The following TFEB variants were observed in gnomAD, a reference collection of about 807,000 sequenced individuals.
TFEB encodes the protein transcription factor EB.
In TFEB, 12 loss-of-function variants were observed where a neutral mutation model predicts 48.0. The ratio of observed to expected loss-of-function variants is 0.25; its 90% CI spans 0.16 to 0.40. TFEB has a LOEUF of 0.40. Among genes scored for constraint, TFEB ranks in the 10% least tolerant of loss-of-function variants. The probability of loss-of-function intolerance (pLI) is 1.00; values close to 1 mark genes in which losing one functional copy is unlikely to be tolerated. For synonymous variants in TFEB, 244 were observed against 261.4 expected (o/e 0.93, Z 0.64); for missense variants, 509 against 640.3 (o/e 0.79, Z 2.21).
At position 41,698,620 on chromosome 6, in the gene TFEB, G is replaced by A. The variant is rs369427277; in HGVS notation, c.-22-7385C>T. Among the ~76,000 whole-genome samples, 153 of 152,284 alleles carry A rather than the reference G, an allele frequency of 1.0e-3. 2 individuals carry two copies. In the South Asian group the frequency reaches 0.028, roughly 28 times the overall value. ...GATGACGCTCTGCACCTCTGTGGTCGGAAGAAGTTTTCTTCTGATTCAGTC... is the reference window on the plus strand; with the variant it reads ...GATGACGCTCTGCACCTCTGTGGTCAGAAGAAGTTTTCTTCTGATTCAGTC... On this transcript the variant is annotated intron_variant, in intron 1 of 8. Coordinates refer to ENST00000373033, the MANE Select transcript of TFEB (RefSeq NM_001271944.2).
intron 4 of TFEB, chr6:41,688,270 T>A (rs1384280423): frequency 2.1e-6 from 1 of 469,978 alleles, no homozygotes; most frequent in African/African-American, 1.9e-5. Context: ...ATCCAACCAA[T>A]AATATGTGAT....
intron 1 of TFEB, among the ~76,000 whole-genome samples, chr6:41,704,658 G>A (rs1770110720): frequency 6.6e-6 from 1 of 152,236 alleles, no homozygotes; most frequent in Admixed American, 6.5e-5. Flanking sequence ...GAGATGTGTG[G>A]GCACATTAAA....
At chr6:41,688,481 G>A (rs552596978) in intron 4 of TFEB, among the ~76,000 whole-genome samples, 1 of 152,202 alleles carries the variant, frequency 6.6e-6, no homozygotes, top group South Asian at 2.1e-4. Flanking sequence ...GGCAGAAGTG[G>A]TGGGGGTGGA....
rs988346257 is a variant in TFEB at position 41,684,299 on chromosome 6, C to T, written c.*300G>A. ...GGCTCAGAAGACAGGGAATCTCCACCAGGCCCTCTTCTCACCTCTAGAACA... is the reference window on the plus strand; with the variant it reads ...GGCTCAGAAGACAGGGAATCTCCACTAGGCCCTCTTCTCACCTCTAGAACA... On this transcript the variant is annotated 3_prime_UTR_variant, in exon 9 of 9. Transcript: ENST00000373033. 2 of 312,158 alleles carry T rather than the reference C, an allele frequency of 6.4e-6. No homozygotes were observed. The highest frequency in any genetic ancestry group is 1.2e-5 in the Non-Finnish European group (2 of 170,798). The allele number at this position is 312,158 out of a possible 1,614,324, so 19.3% of individuals were successfully genotyped here.
chr6:41,699,832 G>A (rs189052015), intron 1 of TFEB, among the ~76,000 whole-genome samples: 1 of 152,328 alleles, frequency 6.6e-6, no homozygotes, highest in Admixed American at 6.5e-5. Context: ...GCTTTTAACA[G>A]TTTTAATGCC....
At chr6:41,687,027 G>A in intron 7 of TFEB, 67 bp downstream of exon 7, 1 of 1,345,582 alleles carries the variant, frequency 7.4e-7, no homozygotes, top group Admixed American at 1.7e-5. Flanking sequence ...TGGGGCTGAG[G>A]GCAGATAATA....
chr6:41,735,052 C>G (rs978446657), intron 1 of TFEB: 91 of 985,152 alleles, frequency 9.2e-5, no homozygotes, highest in Non-Finnish European at 1.0e-4. Flanking sequence ...GGCCCATGCC[C>G]GCCCGGCCCC....
intron 1 of TFEB, among the ~76,000 whole-genome samples, chr6:41,696,243 G>A (rs1769575636): frequency 6.6e-6 from 1 of 152,196 alleles, no homozygotes; most frequent in Non-Finnish European, 1.5e-5. Context: ...CTTGGAGCAG[G>A]AAGCTGAAAA....
At chr6:41,713,680 G>A (rs1341191829) in intron 1 of TFEB, among the ~76,000 whole-genome samples, 1 of 152,186 alleles carries the variant, frequency 6.6e-6, no homozygotes, top group Non-Finnish European at 1.5e-5. Flanking sequence ...TCCTCAGGCT[G>A]TGGCCAAAAC....
intron 1 of TFEB, chr6:41,732,501 A>G: frequency 1.2e-6 from 1 of 837,256 alleles, no homozygotes; most frequent in South Asian, 5.5e-5. Flanking sequence ...TATTCTATTA[A>G]TATAATCTTG....
Position 41,691,080 on chromosome 6 carries a change from AGCTGCTGCTGTTGCT to A in TFEB, c.119_133del (p.Gln40_Gln44del). The A allele has an allele frequency of 6.4e-7, 1 of 1,574,550 alleles. No homozygotes were observed. Among genetic ancestry groups the A allele is most frequent in the Non-Finnish European group, 8.6e-7 (1 of 1,158,916 alleles). ...GATGGCCGGGGTGGGCGGCCCTCCGAGCTGCTGCTGTTGCTGCTGCTGCTGCTGCTGCATGTAATG... is the reference window on the plus strand; with the variant it reads ...GATGGCCGGGGTGGGCGGCCCTCCGAGCTGCTGCTGCTGCTGCATGTAATG... On this transcript the variant is annotated inframe_deletion, in exon 2 of 9. Coordinates refer to ENST00000373033, the MANE Select transcript of TFEB (RefSeq NM_001271944.2). This position sits in a 1 kb window ranked among gnomAD's most constrained non-coding sequence, Gnocchi z 5.2.
chr6:41,716,724 G>C (rs985222949), intron 1 of TFEB, among the ~76,000 whole-genome samples: 29 of 152,144 alleles, frequency 1.9e-4, no homozygotes, highest in African/African-American at 6.3e-4. Flanking sequence ...CTTAGAAACA[G>C]GGCTAAAAAT....
intron 1 of TFEB, among the ~76,000 whole-genome samples, chr6:41,705,052 A>G (rs903484510): frequency 6.6e-6 from 1 of 152,216 alleles, no homozygotes; most frequent in African/African-American, 2.4e-5. Context: ...CCTCTCACAC[A>G]TAAGCCACTG....
Position 41,686,796 on chromosome 6 carries a change from G to A in TFEB, c.803+298C>T, listed in dbSNP as rs1042779618. On this transcript the variant is annotated intron_variant, in intron 7 of 8. Transcript: ENST00000373033. ...TTCCCACAGTGCTGGGATTATAGGCGTGAGCCCGGCCTCTTGTCTGCCAGC... is the reference window on the plus strand; with the variant it reads ...TTCCCACAGTGCTGGGATTATAGGCATGAGCCCGGCCTCTTGTCTGCCAGC... 4.0e-5 allele frequency: 18 copies of A among 448,132 alleles called. 1 individual carries two copies. The highest frequency in any genetic ancestry group is 4.1e-5 in the East Asian group (1 of 24,108). The allele number at this position is 448,132 out of a possible 1,614,324, so 27.8% of individuals were successfully genotyped here. A position where few individuals can be genotyped will look rare whatever the true frequency, so the allele number is the denominator to read the frequency against.
rs374124410 is a variant in TFEB at position 41,687,959 on chromosome 6, C to A, written c.619G>T (p.Val207Phe). The change falls in exon 5 of 9, where the codon GTC becomes TTC. Residue 207 changes from valine to phenylalanine, a missense_variant. This residue lies in a region of TFEB where 251 missense variants were observed against 317.2 expected (regional missense o/e 0.79). Coordinates refer to ENST00000373033, the MANE Select transcript of TFEB (RefSeq NM_001271944.2). ...TCCGCAGGGCAGGAGCTGCTGGTGACGCCCACCAGGGAGGCTGTGACCTGG... is the reference window on the plus strand; with the variant it reads ...TCCGCAGGGCAGGAGCTGCTGGTGAAGCCCACCAGGGAGGCTGTGACCTGG... ...DPQVTASLVG[V>F]TSSSCPADLT... 6.2e-7 allele frequency: 1 copy of A among 1,614,004 alleles called. No individual in the cohort carries two copies. The highest frequency in any genetic ancestry group is 8.5e-7 in the Non-Finnish European group (1 of 1,179,956).
intron 1 of TFEB, among the ~76,000 whole-genome samples, chr6:41,729,385 A>T (rs1212788239): frequency 6.6e-6 from 1 of 152,214 alleles, no homozygotes; most frequent in Non-Finnish European, 1.5e-5. Flanking sequence ...TGTCTGTATC[A>T]TTTTTATTGT....
Position 41,690,840 on chromosome 6 carries a change from G to C in TFEB, c.291C>G (p.Ser97=). 3 of 1,612,956 alleles carry C rather than the reference G, an allele frequency of 1.9e-6. No individual in the cohort carries two copies. The highest frequency in any genetic ancestry group is 2.5e-6 in the Non-Finnish European group (3 of 1,179,298). ...SQHQKVREYL[S]ETYGNKFAAH... Reference sequence around the variant, plus strand: ...CAGCAAACTTGTTCCCATAGGTCTCGGACAGGTACTCCCGCACCTTCTGAT... The same window carrying C: ...CAGCAAACTTGTTCCCATAGGTCTCCGACAGGTACTCCCGCACCTTCTGAT... Residue 97 remains serine, a synonymous_variant, in exon 3 of 9, where the codon TCC becomes TCG. Transcript: ENST00000373033.
Position 41,686,194 on chromosome 6 carries a change from C to A in TFEB, c.847G>T (p.Asp283Tyr). The A allele has an allele frequency of 6.2e-7, 1 of 1,614,234 alleles. No homozygotes were observed. Among genetic ancestry groups the A allele is most frequent in the Non-Finnish European group, 8.5e-7 (1 of 1,180,040 alleles). ...TCCTTCTGCATCCTCCGGATGTAAT[C>A]CACAGAGGCCTTGAGGATGGTGCCC... Reference protein sequence around the residue: ...NKGTILKASVDYIRRMQKDLQ... With the variant: ...NKGTILKASVYYIRRMQKDLQ... The change falls in exon 8 of 9, where the codon GAT (aspartate) becomes TAT (tyrosine). Residue 283 changes from aspartate to tyrosine, a missense_variant. Around this residue, in one of 4 missense-constraint regions of TFEB, gnomAD observed 28 missense variants for 71.9 expected, o/e 0.39. Transcript: ENST00000373033.
intron 1 of TFEB, among the ~76,000 whole-genome samples, chr6:41,718,392 T>G (rs1175058771): frequency 6.6e-6 from 1 of 151,754 alleles, no homozygotes; most frequent in Non-Finnish European, 1.5e-5. Context: ...TATTTTTTTG[T>G]TTGTAGTAAC....
Sources: gnomAD v4.1 joint callset for allele counts (sites outside exome capture counted in the v4.1 genomes callset) on GRCh38, gnomAD v4.1.1 for gene constraint, gnomAD v4.1.1 regional missense constraint, Gnocchi (gnomAD v3.1) non-coding constraint, MANE v1.5 for transcripts, NCBI Gene and HGNC (gene_info 2026-07-23, HGNC 2026-07-21) for gene names.